Variants in NELFA observed in about 807,000 individuals in gnomAD.
The protein encoded by NELFA is negative elongation factor complex member A, also known as negative elongation factor A.
NELFA carries 35 observed loss-of-function variants against 51.8 expected under a neutral mutation model. The ratio of observed to expected loss-of-function variants is 0.68; its 90% CI spans 0.52 to 0.90. NELFA has a LOEUF of 0.90. NELFA is among the 40% of genes least tolerant of loss of function. The pLI is 0.00. For missense variants in NELFA, 658 were observed against 746.4 expected (o/e 0.88, Z 1.38); for synonymous variants, 417 against 338.4 (o/e 1.23, Z -2.55).
In NELFA at chr4:1,986,047, C is replaced by G. The variant is rs938687232; in HGVS notation, c.835+67G>C. The G allele has an allele frequency of 6.6e-6, 10 of 1,519,490 alleles. No homozygotes were observed. The African/African-American group carries it at 1.2e-4, about 19-fold the overall frequency. The allele number at this position is 1,519,490 out of a possible 1,614,324, so 94.1% of individuals were successfully genotyped here. ...CCCTGCCCGCCGAGCGTGGGCACAA[C>G]CCACCCCAACTGGGCAGGGCCCGCA... On this transcript the variant is annotated intron_variant, in intron 6 of 10. Transcript: ENST00000382882.
In NELFA at chr4:1,991,443, A is replaced by G. The variant is rs976972880; in HGVS notation, c.382+101T>C. On this transcript the variant is annotated intron_variant, in intron 2 of 10. Transcript: ENST00000382882. Reference sequence around the variant, plus strand: ...ATATTCTAGGGACCAGGACACACGGAAAAACGTAAAGGTCTAAAAATCAAA... The same window carrying G: ...ATATTCTAGGGACCAGGACACACGGGAAAACGTAAAGGTCTAAAAATCAAA... 38 of 1,257,682 alleles carry G rather than the reference A, an allele frequency of 3.0e-5. No homozygotes were observed. In the African/African-American group the frequency reaches 4.6e-4, roughly 15 times the overall value. 77.9% of individuals were successfully genotyped at this position (1,257,682 alleles called of 1,614,324 possible).
chr4:1,988,082 A>G, intron 3 of NELFA, 75 bp from the exon 4 acceptor site: 1 of 1,273,070 alleles, frequency 7.9e-7, no homozygotes, highest in Non-Finnish European at 1.1e-6. Context: ...CATCTCTGTC[A>G]AGTGGATTCA....
At position 1,989,619 on chromosome 4, in the gene NELFA, T is replaced by G; in HGVS notation, c.544+89A>C. 2.1e-6 allele frequency: 3 copies of G among 1,415,764 alleles called. No individual in the cohort carries two copies. The highest frequency in any genetic ancestry group is 1.4e-5 in the South Asian group (1 of 73,022). The allele number at this position is 1,415,764 out of a possible 1,614,324, so 87.7% of individuals were successfully genotyped here. ...CCATGCCTGGCCCAGAACGCCACCT[T>G]GAAGGGGCAGTCTTGGTACCTTAGA... On this transcript the variant is annotated intron_variant, in intron 3 of 10. Transcript: ENST00000382882. This position sits in a 1 kb window ranked among gnomAD's most constrained non-coding sequence, Gnocchi z 4.8.
At chr4:2,007,234 C>A (rs868597345) in intron 1 of NELFA, 4 of 314,898 alleles carry the variant, frequency 1.3e-5, no homozygotes, top group African/African-American at 4.3e-5. Context: ...AAAAACAAAA[C>A]ACTCTGAAAA....
chr4:1,991,074 C>G (rs1265893601), intron 2 of NELFA, among the ~76,000 whole-genome samples: 1 of 152,338 alleles, frequency 6.6e-6, no homozygotes, highest in Non-Finnish European at 1.5e-5. Context: ...GCTGGGGTTA[C>G]AGGAGTGAGC....
chr4:1,996,674 G>A (rs1263132277), intron 1 of NELFA, among the ~76,000 whole-genome samples: 2 of 152,228 alleles, frequency 1.3e-5, no homozygotes, highest in Non-Finnish European at 2.9e-5. Flanking sequence ...GCTCATGCCT[G>A]TAATCCCAGC....
rs1202916976 is a variant in NELFA, at chr4:1,993,795, CTTT to C, written c.211-2083_211-2081del. 1.7e-4 allele frequency among the ~76,000 whole-genome samples: 20 copies of C among 118,934 alleles called. No individual in the cohort carries two copies. In the East Asian group the frequency reaches 4.0e-3, roughly 24 times the overall value. The allele number at this position is 118,934 out of a possible 152,430, so 78.0% of individuals were successfully genotyped here. ...AAGGTGGGAACGAGCTCCCCTGGGCCTTTTTTTTTTTTTTTTTTTGAGACAGAG... is the reference window on the plus strand; with the variant it reads ...AAGGTGGGAACGAGCTCCCCTGGGCCTTTTTTTTTTTTTTTTGAGACAGAG... On this transcript the variant is annotated intron_variant, in intron 1 of 10. Coordinates refer to ENST00000382882, the MANE Select transcript of NELFA (RefSeq NM_005663.5).
At chr4:2,006,456 G>T (rs1385920103) in intron 1 of NELFA, among the ~76,000 whole-genome samples, 1 of 152,096 alleles carries the variant, frequency 6.6e-6, no homozygotes. Context: ...TTAAAACTAG[G>T]AGCTTCTATT....
At chr4:1,993,852 G>GGGA (rs1468204864) in intron 1 of NELFA, among the ~76,000 whole-genome samples, 1 of 148,778 alleles carries the variant, frequency 6.7e-6, no homozygotes, top group Non-Finnish European at 1.5e-5. Flanking sequence ...CCGGGCTGGA[G>GGGA]TGCAATGGCA....
At chr4:1,986,027 C>G in intron 6 of NELFA, 87 bp downstream of exon 6, 1 of 1,464,156 alleles carries the variant, frequency 6.8e-7, no homozygotes, top group Admixed American at 2.1e-5. Flanking sequence ...CACAGCCCTG[C>G]CCGCCGAGCG....
intron 1 of NELFA, chr4:2,007,198 C>A: frequency 2.7e-6 from 1 of 377,236 alleles, no homozygotes. Context: ...CAGCGCCAGA[C>A]CCTGTCTCAA....
intron 1 of NELFA, among the ~76,000 whole-genome samples, chr4:2,002,211 G>GA (rs1224919419): frequency 1.3e-5 from 2 of 151,812 alleles, no homozygotes; most frequent in South Asian, 4.2e-4. Context: ...GAAAAAAAAA[G>GA]AAAAAACAGA....
intron 1 of NELFA, among the ~76,000 whole-genome samples, chr4:2,003,647 A>T (rs978752986): frequency 5.3e-5 from 8 of 152,170 alleles, no homozygotes; most frequent in Admixed American, 4.6e-4. Flanking sequence ...CAAACATTGC[A>T]TGTTCTCACT....
intron 1 of NELFA, among the ~76,000 whole-genome samples, chr4:1,997,506 G>A (rs1417751303): frequency 6.6e-6 from 1 of 152,248 alleles, no homozygotes; most frequent in Non-Finnish European, 1.5e-5. Flanking sequence ...TTTTGTTAAT[G>A]TGGTGAATTA....
chr4:2,008,180 G>C (rs1008268690), intron 1 of NELFA: 1 of 382,124 alleles, frequency 2.6e-6, no homozygotes, highest in Non-Finnish European at 5.2e-6. Context: ...CGTCCCCGAC[G>C]GGAAACCCCG....
intron 1 of NELFA, among the ~76,000 whole-genome samples, chr4:1,998,058 C>T (rs573580788): frequency 1.9e-4 from 29 of 152,016 alleles, no homozygotes; most frequent in African/African-American, 6.0e-4. Context: ...GACATGACTA[C>T]GGCAAGGAAA....
chr4:1,983,972 G>A lies in NELFA; in HGVS notation c.1178C>T (p.Ser393Leu), dbSNP rs772611494. The change falls in exon 9 of 11, where the codon TCG becomes TTG. Residue 393 changes from serine (S) to leucine (L), a missense_variant. By Grantham distance (145) the Ser-to-Leu change is moderately radical (BLOSUM62 -2). Transcript: ENST00000382882. ...CGGAGGTGTGGTGGGTGTCAGAGGC[G>A]AGGTGGGCGCCGCAGGCGTGGGTGT... ...PATPTPAAPT[S>L]PLTPTTPPAV... The A allele has an allele frequency of 5.0e-6, 8 of 1,610,794 alleles. No homozygotes were observed. The African/African-American group carries it at 6.7e-5, about 13-fold the overall frequency.
chr4:1,998,016 C>A (rs1347162073), intron 1 of NELFA, among the ~76,000 whole-genome samples: 3 of 152,218 alleles, frequency 2.0e-5, no homozygotes, highest in East Asian at 3.9e-4. Flanking sequence ...GAAGTGAACC[C>A]CCAGCAAACT....
chr4:1,996,028 T>G (rs753037792), intron 1 of NELFA, among the ~76,000 whole-genome samples: 1 of 152,126 alleles, frequency 6.6e-6, no homozygotes, highest in Non-Finnish European at 1.5e-5. Flanking sequence ...TTGTACAACA[T>G]GATTATACAA....
Sources: allele counts gnomAD v4.1 joint callset (sites outside exome capture counted in the v4.1 genomes callset), GRCh38; gene constraint gnomAD v4.1.1; non-coding constraint Gnocchi (gnomAD v3.1); transcripts MANE v1.5; gene names NCBI Gene and HGNC (gene_info 2026-07-23, HGNC 2026-07-21).